PTPRD: variants seen among roughly 807,000 people sequenced by gnomAD.
PTPRD encodes the protein protein tyrosine phosphatase receptor type D, also known as receptor-type tyrosine-protein phosphatase delta.
A neutral mutation model predicts 214.5 loss-of-function variants in PTPRD; 34 were observed. The ratio of observed to expected loss-of-function variants is 0.16; its 90% confidence interval spans 0.12 to 0.21. The LOEUF is 0.21. Among genes scored for constraint, PTPRD ranks in the 10% least tolerant of loss-of-function variants. The pLI, the probability that PTPRD is intolerant of heterozygous loss-of-function variation, is 1.00. For missense variants in PTPRD, 2,545 were observed against 2,398.7 expected, an observed-to-expected ratio of 1.06 and a Z score of -1.27; for synonymous variants, 1,128 against 845.7, an observed-to-expected ratio of 1.33 and a Z score of -5.79.
Position 9,765,952 on chromosome 9 carries a change from G to T in PTPRD, c.-326+858C>A, listed in dbSNP as rs112994079. 2.9e-3 allele frequency among the ~76,000 whole-genome samples: 438 copies of T among 152,244 alleles called. 2 individuals carry two copies. Among genetic ancestry groups the T allele is most frequent in the African/African-American group, 0.01 (418 of 41,550 alleles). ...GCTGGGATTACAGGCGTGAGCCACCGCGCCCAGCCCGTAAATTCTTTATAT... is the reference window on the plus strand; with the variant it reads ...GCTGGGATTACAGGCGTGAGCCACCTCGCCCAGCCCGTAAATTCTTTATAT... On this transcript the variant is annotated intron_variant, in intron 6 of 45. Coordinates refer to ENST00000381196, the MANE Select transcript of PTPRD (RefSeq NM_002839.4).
intron 2 of PTPRD, among the ~76,000 whole-genome samples, chr9:10,402,575 T>C (rs947206978): frequency 2.6e-5 from 4 of 151,760 alleles, no homozygotes; most frequent in African/African-American, 9.7e-5. Flanking sequence ...ACAGTATACA[T>C]GAACATAAAT....
At chr9:8,733,411 TA>T (rs1348484536) in intron 12 of PTPRD, among the ~76,000 whole-genome samples, 1 of 152,122 alleles carries the variant, frequency 6.6e-6, no homozygotes, top group Non-Finnish European at 1.5e-5. Context: ...TCCACAAAAA[TA>T]AAGAAATTTT....
At chr9:8,327,399 C>CTGTT (rs568077758) in intron 44 of PTPRD, among the ~76,000 whole-genome samples, 1 of 151,680 alleles carries the variant, frequency 6.6e-6, no homozygotes, top group Non-Finnish European at 1.5e-5. Flanking sequence ...GTCTGAGAGA[C>CTGTT]TGTTTGTTAT....
At chr9:10,086,912 C>A (rs745825008) in intron 3 of PTPRD, among the ~76,000 whole-genome samples, 1 of 151,712 alleles carries the variant, frequency 6.6e-6, no homozygotes, top group African/African-American at 2.4e-5. Flanking sequence ...AATTAATACA[C>A]ATAAAAAGTT....
chr9:8,894,822 T>C (rs1479797204), intron 11 of PTPRD, among the ~76,000 whole-genome samples: 1 of 152,106 alleles, frequency 6.6e-6, no homozygotes, highest in Non-Finnish European at 1.5e-5. Context: ...ATTTAGAATA[T>C]TTCATCACAA....
intron 35 of PTPRD, 59 bp from the exon 36 acceptor site, chr9:8,404,719 G>A: frequency 1.3e-6 from 2 of 1,541,790 alleles, no homozygotes; most frequent in African/African-American, 1.4e-5. Context: ...CCAGATTATA[G>A]GCATTTATCA....
At chr9:8,527,858 C>T (rs574113129) in intron 15 of PTPRD, among the ~76,000 whole-genome samples, 2 of 152,100 alleles carry the variant, frequency 1.3e-5, no homozygotes, top group Non-Finnish European at 2.9e-5. Context: ...TTCTGTAGAT[C>T]CAGTCACTGG....
chr9:8,777,039 G>A (rs1399996618), intron 11 of PTPRD, among the ~76,000 whole-genome samples: 1 of 105,486 alleles, frequency 9.5e-6, no homozygotes, highest in African/African-American at 3.3e-5. Flanking sequence ...GGAGTGCAGT[G>A]GCAGGATCAC....
chr9:8,752,721 T>G lies in PTPRD; in HGVS notation c.-103-18775A>C, dbSNP rs149564939. Among the ~76,000 whole-genome samples the G allele has an allele frequency of 1.9e-3, 292 of 152,174 alleles. 1 individual carries two copies. The highest frequency in any genetic ancestry group is 6.8e-3 in the Middle Eastern group (2 of 294). On this transcript the variant is annotated intron_variant, in intron 11 of 45. Coordinates refer to ENST00000381196, the MANE Select transcript of PTPRD (RefSeq NM_002839.4). ...GATGAACTAGCTAACTGACCCACTG[T>G]AGACCAATCATTCCCCAGAAGACCT...
At chr9:10,386,339 C>T (rs769900593) in intron 2 of PTPRD, among the ~76,000 whole-genome samples, 11 of 151,858 alleles carry the variant, frequency 7.2e-5, no homozygotes, top group Non-Finnish European at 1.6e-4. Flanking sequence ...TCTTCTCATT[C>T]TCTCATATTT....
intron 5 of PTPRD, among the ~76,000 whole-genome samples, chr9:9,807,277 G>C (rs1306846825): frequency 6.6e-6 from 1 of 152,078 alleles, no homozygotes; most frequent in African/African-American, 2.4e-5. Context: ...CCCTACAAAT[G>C]TGCTTAATTA....
chr9:10,097,677 T>A (rs1338255615), intron 3 of PTPRD, among the ~76,000 whole-genome samples: 2 of 151,814 alleles, frequency 1.3e-5, no homozygotes, highest in African/African-American at 4.8e-5. Context: ...AATCATGTCG[T>A]CTGCAAACAG....
intron 33 of PTPRD, among the ~76,000 whole-genome samples, chr9:8,451,352 C>A (rs935590066): frequency 1.3e-5 from 2 of 152,106 alleles, no homozygotes; most frequent in African/African-American, 4.8e-5. Flanking sequence ...CCAACCCATT[C>A]CACCAATCAG....
At chr9:9,655,397 C>T (rs2096484333) in intron 7 of PTPRD, among the ~76,000 whole-genome samples, 1 of 151,812 alleles carries the variant, frequency 6.6e-6, no homozygotes, top group Non-Finnish European at 1.5e-5. Context: ...TGGTGAAACC[C>T]CGTCTGTACT....
chr9:10,199,089 T>C (rs2154331577), intron 3 of PTPRD, among the ~76,000 whole-genome samples: 1 of 152,052 alleles, frequency 6.6e-6, no homozygotes, highest in Middle Eastern at 3.4e-3. Context: ...TCAAATCCTC[T>C]TTCATGGTAT....
intron 3 of PTPRD, among the ~76,000 whole-genome samples, chr9:10,207,596 A>G (rs1428044130): frequency 2.0e-5 from 3 of 152,004 alleles, no homozygotes; most frequent in Non-Finnish European, 2.9e-5. Context: ...TATTAGCCCC[A>G]TTAAAACACT....
intron 7 of PTPRD, among the ~76,000 whole-genome samples, chr9:9,705,848 A>G (rs1005440113): frequency 1.3e-5 from 2 of 152,162 alleles, no homozygotes; most frequent in African/African-American, 4.8e-5. Context: ...TATTTACTCA[A>G]TCACTTTGAA....
chr9:10,194,535 T>C (rs1298247927), intron 3 of PTPRD, among the ~76,000 whole-genome samples: 1 of 152,026 alleles, frequency 6.6e-6, no homozygotes, highest in African/African-American at 2.4e-5. Flanking sequence ...AACCGTTATA[T>C]GTTTGAATTA....
At chr9:10,044,682 A>G (rs1408575471) in intron 3 of PTPRD, among the ~76,000 whole-genome samples, 1 of 151,752 alleles carries the variant, frequency 6.6e-6, no homozygotes, top group Non-Finnish European at 1.5e-5. Flanking sequence ...AAGCTCAGGG[A>G]GGCTGGGAAG....
Sources: gnomAD v4.1 joint callset for allele counts (sites outside exome capture counted in the v4.1 genomes callset) on GRCh38, gnomAD v4.1.1 for gene constraint, MANE v1.5 for transcripts, NCBI Gene and HGNC (gene_info 2026-07-23, HGNC 2026-07-21) for gene names.